UNC119B: variants seen among roughly 807,000 people sequenced by gnomAD.
UNC119B encodes unc-119 lipid binding chaperone B.
Under a neutral mutation model 23.4 loss-of-function variants are expected in UNC119B, and 16 were observed. The ratio of observed to expected loss-of-function variants is 0.68; its 90% CI spans 0.46 to 1.04. The LOEUF (loss-of-function observed/expected upper bound fraction) is 1.04, where lower values mean the gene tolerates loss of function less well. Ranked by LOEUF, UNC119B falls within the 50% of genes least tolerant of loss-of-function variation. UNC119B has a pLI of 0.00. For synonymous variants in UNC119B, 144 were observed against 145.4 expected (o/e 0.99, Z 0.07); for missense variants, 350 against 361.3 (o/e 0.97, Z 0.25).
rs1300209324 is a variant in UNC119B at position 120,710,734 on chromosome 12, G to C, written c.244+16G>C. ...GTCACCGAGAGTGAGTGCCGCGCGG[G>C]CCGCGCCCTCCCCTCGCGCCGTGCC... On this transcript the variant is annotated intron_variant, in intron 1 of 4. Transcript: ENST00000344651. 3.0e-6 allele frequency: 4 copies of C among 1,343,682 alleles called. No homozygotes were observed. The African/African-American group carries it at 6.1e-5, about 21-fold the overall frequency. The allele number at this position is 1,343,682 out of a possible 1,614,324, so 83.2% of individuals were successfully genotyped here.
rs1215081784 is a variant in UNC119B at position 120,720,071 on chromosome 12, C to T, written c.*39C>T. 2 of 1,449,060 alleles carry T rather than the reference C, an allele frequency of 1.4e-6. No homozygotes were observed. Among genetic ancestry groups the T allele is most frequent in the East Asian group, 2.3e-5 (1 of 43,850 alleles). The allele number at this position is 1,449,060 out of a possible 1,614,324, so 89.8% of individuals were successfully genotyped here. ...AGATAGGGGAGGTGCTTTGCCGCGG[C>T]CACAAGATCCTGGCACACGGAGATG... On this transcript the variant is annotated 3_prime_UTR_variant, in exon 5 of 5. Coordinates refer to ENST00000344651, the MANE Select transcript of UNC119B (RefSeq NM_001080533.3).
Position 120,710,572 on chromosome 12 carries a change from G to T in UNC119B, c.98G>T (p.Gly33Val). The change falls in exon 1 of 5, where the codon GGC (glycine) becomes GTC (valine). Residue 33 changes from glycine to valine, a missense_variant. Gly to Val is a moderately radical substitution (Grantham distance 109). Coordinates refer to ENST00000344651, the MANE Select transcript of UNC119B (RefSeq NM_001080533.3). ...GAGGAGAAGAAGAAGGCGGGCGGCG[G>T]CGTCCTGAACCGCCTGAAGGCGCGG... ...GKEEKKKAGGGVLNRLKARRQ... is the reference protein window; with the variant it reads ...GKEEKKKAGGVVLNRLKARRQ... The T allele has an allele frequency of 1.4e-6, 2 of 1,400,600 alleles. No homozygotes were observed. The highest frequency in any genetic ancestry group is 9.2e-7 in the Non-Finnish European group (1 of 1,085,226). The allele number at this position is 1,400,600 out of a possible 1,614,324, so 86.8% of individuals were successfully genotyped here.
chr12:120,713,460 C>A, intron 2 of UNC119B, 73 bp downstream of exon 2: 3 of 1,119,596 alleles, frequency 2.7e-6, no homozygotes, highest in South Asian at 1.3e-5. Context: ...TCTTTGTGTG[C>A]CACTGCATCC....
In UNC119B at chr12:120,716,748, C is replaced by T; in HGVS notation, c.470+9C>T. 1 of 1,613,224 alleles carries T rather than the reference C, an allele frequency of 6.2e-7. No individual in the cohort carries two copies. The highest frequency in any genetic ancestry group is 8.5e-7 in the Non-Finnish European group (1 of 1,179,202). ...CGGACAGTCGGGGCTACGTGAGTAC[C>T]ATTACTACCTGAGGGGAGAACATTC... On this transcript the variant is annotated intron_variant, in intron 3 of 4. Coordinates refer to ENST00000344651, the MANE Select transcript of UNC119B (RefSeq NM_001080533.3).
Position 120,716,869 on chromosome 12 carries a change from G to GA in UNC119B, c.471-1_471insA (p.Val158GlyfsTer30). 1.2e-6 allele frequency: 2 copies of GA among 1,608,214 alleles called. No individual in the cohort carries two copies. Among genetic ancestry groups the GA allele is most frequent in the Non-Finnish European group, 1.7e-6 (2 of 1,175,508 alleles). On this transcript the variant is annotated frameshift_variant and splice_region_variant. Coordinates refer to ENST00000344651, the MANE Select transcript of UNC119B (RefSeq NM_001080533.3). LOFTEE classifies it high-confidence loss of function. ...CGGGCTTACAGAGATTTATTTTCCA[G>GA]GGTGGAGTTCACAGTGGGAGACAAA...
intron 1 of UNC119B, among the ~76,000 whole-genome samples, chr12:120,712,868 C>CA (rs1882697773): frequency 6.6e-6 from 1 of 152,210 alleles, no homozygotes; most frequent in South Asian, 2.1e-4. Flanking sequence ...CTTACACTGA[C>CA]AGTTGGCAAA....
At chr12:120,710,770 G>A in intron 1 of UNC119B, 52 bp downstream of exon 1, 2 of 1,288,312 alleles carry the variant, frequency 1.6e-6, no homozygotes, top group Non-Finnish European at 2.0e-6. Flanking sequence ...CCGGCTCCCG[G>A]AGCCTTCAGC....
chr12:120,716,550 T>G, intron 2 of UNC119B, 78 bp from the exon 3 acceptor site: 1 of 1,464,332 alleles, frequency 6.8e-7, no homozygotes, highest in South Asian at 1.1e-5. Context: ...GTTGCCATTG[T>G]GCTGTTGGGA....
Position 120,716,882 on chromosome 12 carries a change from A to C in UNC119B, c.483A>C (p.Thr161=). ...ATTTATTTTCCAGGGTGGAGTTCAC[A>C]GTGGGAGACAAACCTGTTTCAAACT... ...LRTVGATVEF[T]VGDKPVSNFR... is the part of the protein sequence containing the mutation. Residue 161 remains threonine, a synonymous_variant, in exon 4 of 5, where the codon ACA becomes ACC. Transcript: ENST00000344651. The C allele has an allele frequency of 6.2e-7, 1 of 1,610,764 alleles. No individual in the cohort carries two copies. Among genetic ancestry groups the C allele is most frequent in the Non-Finnish European group, 8.5e-7 (1 of 1,177,662 alleles).
Position 120,722,269 on chromosome 12 carries a change from A to G in UNC119B, c.*2237A>G, listed in dbSNP as rs1464982799. The G allele has an allele frequency of 6.6e-6, 1 of 152,288 alleles. No homozygotes were observed. The highest frequency in any genetic ancestry group is 1.5e-5 in the Non-Finnish European group (1 of 68,104). The allele number at this position is 152,288 out of a possible 1,614,324, so 9.4% of individuals were successfully genotyped here. A position where few individuals can be genotyped will look rare whatever the true frequency, so the allele number is the denominator to read the frequency against. Reference sequence around the variant, plus strand: ...GTCTCACTGGAGACCATTTGCGGATAGTGCTTGGTCCATGCCCAGCAGGAC... The same window carrying G: ...GTCTCACTGGAGACCATTTGCGGATGGTGCTTGGTCCATGCCCAGCAGGAC... On this transcript the variant is annotated 3_prime_UTR_variant, in exon 5 of 5. Transcript: ENST00000344651.
At chr12:120,715,070 G>A (rs530718685) in intron 2 of UNC119B, among the ~76,000 whole-genome samples, 2 of 152,216 alleles carry the variant, frequency 1.3e-5, no homozygotes, top group Admixed American at 6.5e-5. Context: ...ACATGCCTGT[G>A]GTCCCAGCTA....
chr12:120,710,576 C>A lies in UNC119B; in HGVS notation c.102C>A (p.Val34=). 1 of 1,416,408 alleles carries A rather than the reference C, an allele frequency of 7.1e-7. No homozygotes were observed. The highest frequency in any genetic ancestry group is 9.2e-7 in the Non-Finnish European group (1 of 1,090,992). 87.7% of individuals were successfully genotyped at this position (1,416,408 alleles called of 1,614,324 possible). A position where few individuals can be genotyped will look rare whatever the true frequency, so the allele number is the denominator to read the frequency against. ...KEEKKKAGGG[V]LNRLKARRQA... is the part of the protein sequence containing the mutation. Reference sequence around the variant, plus strand: ...AGAAGAAGAAGGCGGGCGGCGGCGTCCTGAACCGCCTGAAGGCGCGGCGGC... The same window carrying A: ...AGAAGAAGAAGGCGGGCGGCGGCGTACTGAACCGCCTGAAGGCGCGGCGGC... Residue 34 remains valine (V), a synonymous_variant, in exon 1 of 5, where the codon GTC becomes GTA. Coordinates refer to ENST00000344651, the MANE Select transcript of UNC119B (RefSeq NM_001080533.3).
At chr12:120,712,360 C>CA (rs1882688038) in intron 1 of UNC119B, among the ~76,000 whole-genome samples, 1 of 152,132 alleles carries the variant, frequency 6.6e-6, no homozygotes, top group Non-Finnish European at 1.5e-5. Context: ...ACTTGTAAAA[C>CA]ACGAAAACAA....
chr12:120,718,300 T>C (rs1340788740), intron 4 of UNC119B, among the ~76,000 whole-genome samples: 1 of 152,236 alleles, frequency 6.6e-6, no homozygotes, highest in Non-Finnish European at 1.5e-5. Context: ...TCCTGTGCAC[T>C]GTTAGTCATG....
rs1017431526 is a variant in UNC119B, at chr12:120,713,474, TTCTTGGACTCCAG to T, written c.358+89_358+101del. ...ATCTTTGTGTGCCACTGCATCCTGT[TTCTTGGACTCCAG>T]TGTGTCCCACTTCTGTGACCTCTTC... On this transcript the variant is annotated intron_variant, in intron 2 of 4. Transcript: ENST00000344651. 8.0e-6 allele frequency: 8 copies of T among 995,076 alleles called. No individual in the cohort carries two copies. The African/African-American group carries it at 9.7e-5, about 12-fold the overall frequency. The allele number at this position is 995,076 out of a possible 1,614,324, so 61.6% of individuals were successfully genotyped here.
chr12:120,716,056 G>GT (rs944569996), intron 2 of UNC119B, among the ~76,000 whole-genome samples: 3 of 152,198 alleles, frequency 2.0e-5, no homozygotes, highest in Admixed American at 2.0e-4. Context: ...ATTTTTAGTG[G>GT]TTTATCTTTG....
intron 4 of UNC119B, among the ~76,000 whole-genome samples, chr12:120,718,399 A>G (rs1882823930): frequency 2.0e-5 from 3 of 152,248 alleles, no homozygotes; most frequent in South Asian, 4.1e-4. Context: ...AATCAAGGCC[A>G]GAGGACTTCT....
At position 120,717,932 on chromosome 12, in the gene UNC119B, C is replaced by T. The variant is rs549574894; in HGVS notation, c.643+890C>T. On this transcript the variant is annotated intron_variant, in intron 4 of 4. Transcript: ENST00000344651. Reference sequence around the variant, plus strand: ...TGTCACCCAGGCTGGAGTGCAGTGGCGCAATCTCGGCTCACTGCAAGCTCT... The same window carrying T: ...TGTCACCCAGGCTGGAGTGCAGTGGTGCAATCTCGGCTCACTGCAAGCTCT... 8.7e-5 allele frequency among the ~76,000 whole-genome samples: 13 copies of T among 150,238 alleles called. No homozygotes were observed. In the South Asian group the frequency reaches 2.1e-3, roughly 24 times the overall value.
chr12:120,716,954 C>A lies in UNC119B; in HGVS notation c.555C>A (p.Asn185Lys). 1 of 1,613,908 alleles carries A rather than the reference C, an allele frequency of 6.2e-7. No homozygotes were observed. Among genetic ancestry groups the A allele is most frequent in the Non-Finnish European group, 8.5e-7 (1 of 1,179,882 alleles). Residue 185 changes from asparagine to lysine, a missense_variant, in exon 4 of 5, where the codon AAC becomes AAA. Physicochemically the swap from Asn to Lys is moderately conservative, Grantham distance 94. Coordinates refer to ENST00000344651, the MANE Select transcript of UNC119B (RefSeq NM_001080533.3). ...ATTTCCGGGAACACTTGCTGAAAAACTTTGACTTTGATTTTGGCTTCTGCA... is the reference window on the plus strand; with the variant it reads ...ATTTCCGGGAACACTTGCTGAAAAAATTTGACTTTGATTTTGGCTTCTGCA... Reference protein sequence around the residue: ...RHYFREHLLKNFDFDFGFCIP... With the variant: ...RHYFREHLLKKFDFDFGFCIP...
Sources: gnomAD v4.1 joint callset for allele counts (sites outside exome capture counted in the v4.1 genomes callset) on GRCh38, gnomAD v4.1.1 for gene constraint, MANE v1.5 for transcripts, NCBI Gene and HGNC (gene_info 2026-07-23, HGNC 2026-07-21) for gene names.